Variants in GRIP1 observed in about 807,000 individuals in gnomAD.
The protein encoded by GRIP1 is glutamate receptor interacting protein 1.
In GRIP1, 45 loss-of-function variants were observed where a neutral mutation model predicts 129.9. The observed-to-expected ratio is 0.35, with a 90% CI of 0.27 to 0.44. The LOEUF is 0.44. Among genes scored for constraint, GRIP1 ranks in the 20% least tolerant of loss-of-function variants. The pLI, the probability that GRIP1 is intolerant of heterozygous loss-of-function variation, is 1.00. For missense variants in GRIP1, 1,196 were observed against 1,396.8 expected (o/e 0.86, Z 2.29); for synonymous variants, 530 against 520.8 (o/e 1.02, Z -0.24).
intron 2 of GRIP1, among the ~76,000 whole-genome samples, chr12:66,596,230 TTG>T (rs2064044909): frequency 6.6e-6 from 1 of 152,240 alleles, no homozygotes; most frequent in African/African-American, 2.4e-5. Context: ...TTACATGTTT[TTG>T]TGTCATTCAC....
chr12:67,058,435 T>G (rs953676837), intron 1 of GRIP1, among the ~76,000 whole-genome samples: 2 of 152,206 alleles, frequency 1.3e-5, no homozygotes, highest in African/African-American at 4.8e-5. Flanking sequence ...ACAAGAAGTC[T>G]TGAGTACATG....
At chr12:66,806,362 G>A (rs2136936384), upstream of GRIP1, among the ~76,000 whole-genome samples, 1 of 152,124 alleles carries the variant, frequency 6.6e-6, no homozygotes, top group Middle Eastern at 3.4e-3. Context: ...TCTTGAAATG[G>A]AATTTGAAAA....
chr12:66,766,514 G>A (rs1417899384), intron 1 of GRIP1, among the ~76,000 whole-genome samples: 1 of 152,172 alleles, frequency 6.6e-6, no homozygotes, highest in Non-Finnish European at 1.5e-5. Context: ...GAGCTCTTGG[G>A]GAGCAGACAC....
At chr12:67,041,770 C>CA (rs199828117) in intron 1 of GRIP1, among the ~76,000 whole-genome samples, 2,326 of 128,378 alleles carry the variant, frequency 0.018, 35 homozygotes, top group Non-Finnish European at 0.028. Flanking sequence ...AGCCACAGGA[C>CA]AAAAAAAAAA....
At chr12:66,794,471 C>T (rs1337512565) in intron 1 of GRIP1, among the ~76,000 whole-genome samples, 1 of 152,106 alleles carries the variant, frequency 6.6e-6, no homozygotes, top group Non-Finnish European at 1.5e-5. Context: ...CCAGGGCTAA[C>T]CCTTGGGAGA....
chr12:66,655,256 T>C (rs1286978645), intron 1 of GRIP1, among the ~76,000 whole-genome samples: 1 of 152,262 alleles, frequency 6.6e-6, no homozygotes, highest in Non-Finnish European at 1.5e-5. Context: ...TTATACACTA[T>C]TACTTTGTGT....
At chr12:66,809,570 T>A (rs2039063257) in intron 1 of GRIP1, among the ~76,000 whole-genome samples, 1 of 152,166 alleles carries the variant, frequency 6.6e-6, no homozygotes, top group Non-Finnish European at 1.5e-5. Flanking sequence ...CACTCCTACT[T>A]TATTGTAGCA....
chr12:66,552,316 C>T (rs540229897), intron 2 of GRIP1, among the ~76,000 whole-genome samples: 8 of 152,158 alleles, frequency 5.3e-5, no homozygotes, highest in East Asian at 3.9e-4. Context: ...TAAGTACCCA[C>T]GAATCTAACA....
At chr12:66,725,353 A>T (rs2036219503) in intron 1 of GRIP1, among the ~76,000 whole-genome samples, 1 of 152,098 alleles carries the variant, frequency 6.6e-6, no homozygotes, top group Admixed American at 6.6e-5. Context: ...ATACATGAAC[A>T]TTATATAATG....
intron 1 of GRIP1, among the ~76,000 whole-genome samples, chr12:66,783,894 T>C (rs772181558): frequency 2.0e-5 from 3 of 152,166 alleles, no homozygotes; most frequent in Non-Finnish European, 4.4e-5. Flanking sequence ...ATCTAACCTG[T>C]AGTAGAACTG....
chr12:66,973,748 A>C (rs555078596), intron 1 of GRIP1, among the ~76,000 whole-genome samples: 1 of 152,130 alleles, frequency 6.6e-6, no homozygotes, highest in Non-Finnish European at 1.5e-5. Flanking sequence ...CTTTACCAAG[A>C]GTACATATCA....
intron 1 of GRIP1, among the ~76,000 whole-genome samples, chr12:66,617,007 A>G (rs1205901957): frequency 6.6e-6 from 1 of 151,824 alleles, no homozygotes; most frequent in Non-Finnish European, 1.5e-5. Flanking sequence ...TCTGTTCCTG[A>G]GAGGGAAGGC....
At chr12:66,403,781 G>A (rs956401755) in intron 16 of GRIP1, among the ~76,000 whole-genome samples, 13 of 152,130 alleles carry the variant, frequency 8.5e-5, no homozygotes, top group Non-Finnish European at 1.3e-4. Context: ...GGGTATAAAG[G>A]GGGAAAATGA....
chr12:66,872,061 A>G (rs1014597040), intron 1 of GRIP1, among the ~76,000 whole-genome samples: 13 of 152,058 alleles, frequency 8.5e-5, no homozygotes, highest in Non-Finnish European at 1.9e-4. Context: ...TATTTGGGAA[A>G]TTTGCAGCCT....
At chr12:66,949,214 T>C (rs991263261) in intron 1 of GRIP1, among the ~76,000 whole-genome samples, 1 of 152,224 alleles carries the variant, frequency 6.6e-6, no homozygotes, top group Non-Finnish European at 1.5e-5. Context: ...GAATCCTATA[T>C]AATAATTTTA....
At chr12:66,604,374 C>A (rs1415503019) in intron 1 of GRIP1, among the ~76,000 whole-genome samples, 2 of 152,212 alleles carry the variant, frequency 1.3e-5, no homozygotes, top group African/African-American at 2.4e-5. Context: ...CAAATGATAA[C>A]TCCTATGCTT....
intron 14 of GRIP1, among the ~76,000 whole-genome samples, chr12:66,422,776 T>C (rs2057852456): frequency 6.6e-6 from 1 of 152,164 alleles, no homozygotes; most frequent in African/African-American, 2.4e-5. Flanking sequence ...GGTGGCCATT[T>C]TCACATTTAC....
chr12:66,735,786 C>T (rs892859698), intron 1 of GRIP1, among the ~76,000 whole-genome samples: 11 of 152,124 alleles, frequency 7.2e-5, no homozygotes, highest in African/African-American at 2.7e-4. Context: ...GATGCAAAAG[C>T]TGCCATTACG....
chr12:66,414,001 G>A (rs1418859647), intron 15 of GRIP1, among the ~76,000 whole-genome samples: 2 of 151,924 alleles, frequency 1.3e-5, no homozygotes, highest in Non-Finnish European at 2.9e-5. Flanking sequence ...ATACCGAATG[G>A]GCAAAAGCTG....
Sources: gnomAD v4.1 joint callset for allele counts (sites outside exome capture counted in the v4.1 genomes callset) on GRCh38, gnomAD v4.1.1 for gene constraint, MANE v1.5 for transcripts, NCBI Gene and HGNC (gene_info 2026-07-23, HGNC 2026-07-21) for gene names.